PPP2R3C: variants seen among roughly 807,000 people sequenced by gnomAD.
PPP2R3C encodes serine/threonine-protein phosphatase 2A regulatory subunit B'' subunit gamma.
Under a neutral mutation model 63.7 loss-of-function variants are expected in PPP2R3C, and 47 were observed. The observed-to-expected ratio is 0.74, with a 90% confidence interval of 0.58 to 0.94. The LOEUF is 0.94. Ranked by LOEUF, PPP2R3C falls within the 40% of genes least tolerant of loss-of-function variation. The pLI is 0.00. For synonymous variants in PPP2R3C, 180 were observed against 177.4 expected (o/e 1.01, Z -0.12); for missense variants, 421 against 518.4 (o/e 0.81, Z 1.82).
chr14:35,110,330 A>G (rs1258775835), intron 3 of PPP2R3C, 195 bp downstream of exon 3: 6 of 513,708 alleles, frequency 1.2e-5, no homozygotes, highest in African/African-American at 9.8e-5. Context: ...AACAAAAATA[A>G]CAAACAACAC....
At chr14:35,088,249 G>GA (rs1399563262) in intron 11 of PPP2R3C, among the ~76,000 whole-genome samples, 2 of 151,660 alleles carry the variant, frequency 1.3e-5, no homozygotes, top group Non-Finnish European at 2.9e-5. Flanking sequence ...AGAACTTCAG[G>GA]AAAAAAAATA....
chr14:35,119,920 C>T (rs2046816110), intron 1 of PPP2R3C, among the ~76,000 whole-genome samples: 1 of 144,636 alleles, frequency 6.9e-6, no homozygotes, highest in Admixed American at 7.1e-5. Context: ...GCACAATCTC[C>T]GGCTCACTAC....
chr14:35,114,044 C>T (rs1356704229), intron 2 of PPP2R3C, among the ~76,000 whole-genome samples: 1 of 152,168 alleles, frequency 6.6e-6, no homozygotes, highest in Admixed American at 6.5e-5. Flanking sequence ...CTCTGCAGTG[C>T]TTAGACACTC....
chr14:35,121,819 CTT>C, intron 1 of PPP2R3C, 81 bp downstream of exon 1: 1 of 1,494,064 alleles, frequency 6.7e-7, no homozygotes, highest in Non-Finnish European at 9.3e-7. Context: ...GCGGCTCCCC[CTT>C]GCTCCTCCTC....
chr14:35,097,777 CCTGG>C (rs2046046476), intron 7 of PPP2R3C, among the ~76,000 whole-genome samples: 1 of 152,082 alleles, frequency 6.6e-6, no homozygotes, highest in South Asian at 2.1e-4. Context: ...AGCCACTGCG[CCTGG>C]CTGCTGCTGC....
intron 9 of PPP2R3C, 23 bp downstream of exon 9, chr14:35,096,535 T>C (rs982953965): frequency 1.3e-6 from 2 of 1,593,642 alleles, no homozygotes; most frequent in Non-Finnish European, 8.6e-7. Flanking sequence ...AATTCAAATT[T>C]TAGCATTATG....
At chr14:35,089,745 A>G (rs1315279567) in intron 11 of PPP2R3C, among the ~76,000 whole-genome samples, 1 of 151,988 alleles carries the variant, frequency 6.6e-6, no homozygotes, top group African/African-American at 2.4e-5. Context: ...GGCTCACTGC[A>G]AGCTCTGCCT....
At chr14:35,092,192 C>T (rs1487115758) in intron 10 of PPP2R3C, among the ~76,000 whole-genome samples, 5 of 152,166 alleles carry the variant, frequency 3.3e-5, no homozygotes, top group South Asian at 2.1e-4. Flanking sequence ...CTACAGCCTC[C>T]GAGGCAGCTG....
At chr14:35,120,435 C>T (rs1184173193) in intron 1 of PPP2R3C, among the ~76,000 whole-genome samples, 3 of 150,654 alleles carry the variant, frequency 2.0e-5, no homozygotes, top group Non-Finnish European at 3.0e-5. Context: ...TTAGTAGAGA[C>T]GGGGTTTCAC....
chr14:35,093,419 T>C (rs1179461266), intron 10 of PPP2R3C, among the ~76,000 whole-genome samples: 3 of 152,170 alleles, frequency 2.0e-5, no homozygotes, highest in African/African-American at 7.2e-5. Flanking sequence ...TGATTTTCTC[T>C]ATTCATCAGG....
At chr14:35,108,329 AT>A in intron 4 of PPP2R3C, 93 bp from the exon 5 acceptor site, 1 of 1,409,188 alleles carries the variant, frequency 7.1e-7, no homozygotes. Context: ...AATTCATACA[AT>A]TAAAAATGAA....
intron 9 of PPP2R3C, 109 bp from the exon 10 acceptor site, chr14:35,095,293 T>C: frequency 8.9e-7 from 1 of 1,121,782 alleles, no homozygotes; most frequent in Non-Finnish European, 1.3e-6. Flanking sequence ...TTCAAACTAT[T>C]CATGTTATGA....
At position 35,085,611 on chromosome 14, in the gene PPP2R3C, A is replaced by T. The variant is rs147970181; in HGVS notation, c.1341T>A (p.Ser447=). 6.2e-7 allele frequency: 1 copy of T among 1,610,894 alleles called. No individual in the cohort carries two copies. The change falls in exon 13 of 13, where the codon TCT becomes TCA. Residue 447 remains serine (S), a synonymous_variant. Transcript: ENST00000261475. ...GAGATCATGTATCATCAAGGTCTGC[A>T]GAGTTTTCACTGTCATTTGCAACAA... ...EALVANDSEN[S]ADLDDT is the part of the protein sequence containing the mutation.
At chr14:35,110,150 C>G in intron 3 of PPP2R3C, 1 of 488,730 alleles carries the variant, frequency 2.0e-6, no homozygotes. Flanking sequence ...TAATCCACAT[C>G]TCTATGATAT....
intron 10 of PPP2R3C, 79 bp downstream of exon 10, chr14:35,094,969 G>C: frequency 6.9e-7 from 1 of 1,446,028 alleles, no homozygotes; most frequent in Middle Eastern, 1.8e-4. Flanking sequence ...AAAAAGGGCT[G>C]TATTACATCA....
intron 4 of PPP2R3C, among the ~76,000 whole-genome samples, chr14:35,108,951 GT>G (rs947464988): frequency 6.6e-6 from 1 of 151,418 alleles, no homozygotes; most frequent in Non-Finnish European, 1.5e-5. Context: ...TTAATTAAAA[GT>G]TTTTTTTATT....
At chr14:35,087,576 T>A (rs1566681880) in intron 12 of PPP2R3C, 1 of 188,628 alleles carries the variant, frequency 5.3e-6, no homozygotes, top group Non-Finnish European at 1.1e-5. Flanking sequence ...ATTTTTGTAT[T>A]TTTAGTAGAG....
At chr14:35,092,430 T>G (rs756700783) in intron 10 of PPP2R3C, among the ~76,000 whole-genome samples, 5 of 152,112 alleles carry the variant, frequency 3.3e-5, no homozygotes, top group Non-Finnish European at 5.9e-5. Flanking sequence ...GTGCAGTTAT[T>G]TTGAAAAACA....
intron 10 of PPP2R3C, among the ~76,000 whole-genome samples, chr14:35,091,594 C>T (rs371402425): frequency 9.9e-5 from 15 of 151,756 alleles, no homozygotes; most frequent in African/African-American, 2.9e-4. Context: ...CTCGAACTCC[C>T]GACCTCAGGT....
Sources: gnomAD v4.1 joint callset for allele counts (sites outside exome capture counted in the v4.1 genomes callset) on GRCh38, gnomAD v4.1.1 for gene constraint, MANE v1.5 for transcripts, NCBI Gene and HGNC (gene_info 2026-07-23, HGNC 2026-07-21) for gene names.